LINGO1: variants seen among roughly 807,000 people sequenced by gnomAD.
LINGO1 encodes the protein leucine-rich repeat and immunoglobulin-like domain-containing nogo receptor-interacting protein 1.
In LINGO1, 11 loss-of-function variants were observed where a neutral mutation model predicts 37.3. The ratio of observed to expected loss-of-function variants is 0.29; its 90% CI spans 0.19 to 0.49. The LOEUF is 0.49. Among genes scored for constraint, LINGO1 ranks in the 20% least tolerant of loss-of-function variants. The pLI is 0.99. For missense variants in LINGO1, 585 were observed against 878.2 expected, an observed-to-expected ratio of 0.67 and a Z score of 4.22; for synonymous variants, 387 against 403.0, an observed-to-expected ratio of 0.96 and a Z score of 0.48.
intron 2 of LINGO1, among the ~76,000 whole-genome samples, chr15:77,708,286 C>G (rs1484413353): frequency 6.6e-6 from 1 of 152,180 alleles, no homozygotes; most frequent in East Asian, 1.9e-4. Flanking sequence ...AGAAAAGTTT[C>G]TGTGACACCA....
chr15:77,774,555 C>T (rs2076618187), intron 1 of LINGO1, among the ~76,000 whole-genome samples: 1 of 152,154 alleles, frequency 6.6e-6, no homozygotes, highest in Non-Finnish European at 1.5e-5. Context: ...AGTGCACACA[C>T]ACAATCCCGG....
At chr15:77,696,104 CTTCTATTAGGCTA>C (rs2075688801) in intron 1 of LINGO1, 1 of 152,140 alleles carries the variant, frequency 6.6e-6, no homozygotes, top group Non-Finnish European at 1.5e-5. Context: ...GATCTGTCGG[CTTCTATTAGGCTA>C]AATATCTCTG....
At chr15:77,775,734 C>T (rs941588761) in intron 1 of LINGO1, among the ~76,000 whole-genome samples, 1 of 151,716 alleles carries the variant, frequency 6.6e-6, no homozygotes, top group Non-Finnish European at 1.5e-5. Flanking sequence ...CTAGACCCGG[C>T]CCAACATGGC....
intron 1 of LINGO1, among the ~76,000 whole-genome samples, chr15:77,784,126 T>A (rs1280771542): frequency 1.3e-5 from 2 of 152,206 alleles, no homozygotes; most frequent in Non-Finnish European, 2.9e-5. Context: ...GGACCCTCCT[T>A]TGGGTGGTCT....
chr15:77,655,047 G>C (rs372042077), intron 3 of LINGO1, among the ~76,000 whole-genome samples: 9 of 152,310 alleles, frequency 5.9e-5, no homozygotes, highest in African/African-American at 2.2e-4. Context: ...AGCCCCTAGG[G>C]GAGGGAAAAA....
At chr15:77,622,600 G>A (rs2073957913) in intron 1 of LINGO1, among the ~76,000 whole-genome samples, 1 of 152,136 alleles carries the variant, frequency 6.6e-6, no homozygotes, top group East Asian at 1.9e-4. Flanking sequence ...CCTGCCTGAG[G>A]TCCCTTCTTT....
chr15:77,684,185 A>G (rs528591559), intron 2 of LINGO1, among the ~76,000 whole-genome samples: 52 of 152,246 alleles, frequency 3.4e-4, no homozygotes, highest in African/African-American at 1.2e-3. Flanking sequence ...CTTCTGTAAC[A>G]TGTAACAGTG....
chr15:77,622,296 G>C (rs1336999496), intron 1 of LINGO1, among the ~76,000 whole-genome samples: 2 of 152,052 alleles, frequency 1.3e-5, no homozygotes, highest in Non-Finnish European at 2.9e-5. Context: ...AAAGCAGAGT[G>C]GGGGGAGGGG....
At chr15:77,701,330 CTGAGGAGA>C (rs367978929), upstream of LINGO1, among the ~76,000 whole-genome samples, 1 of 152,118 alleles carries the variant, frequency 6.6e-6, no homozygotes, top group African/African-American at 2.4e-5. Context: ...GTCTGGCAGC[CTGAGGAGA>C]TGAGGAGAAA....
At chr15:77,640,607 TC>T (rs2074482192) in intron 3 of LINGO1, among the ~76,000 whole-genome samples, 1 of 152,086 alleles carries the variant, frequency 6.6e-6, no homozygotes, top group Non-Finnish European at 1.5e-5. Flanking sequence ...GGATGTACCC[TC>T]CCTCCATTCT....
intron 1 of LINGO1, among the ~76,000 whole-genome samples, chr15:77,691,725 G>A (rs1416231486): frequency 6.6e-6 from 1 of 151,198 alleles, no homozygotes; most frequent in Non-Finnish European, 1.5e-5. Flanking sequence ...CCACGACAGA[G>A]ATGACGGAGC....
chr15:77,706,169 CCTT>C (rs1200122871), intron 2 of LINGO1, among the ~76,000 whole-genome samples: 3 of 152,188 alleles, frequency 2.0e-5, no homozygotes, highest in African/African-American at 7.2e-5. Context: ...CCAAACCACT[CCTT>C]CTCCAGGGCT....
At chr15:77,711,652 T>C (rs2075919023) in intron 2 of LINGO1, among the ~76,000 whole-genome samples, 1 of 152,216 alleles carries the variant, frequency 6.6e-6, no homozygotes, top group Non-Finnish European at 1.5e-5. Context: ...GCATTAAAAC[T>C]CAATCCTCAC....
chr15:77,646,354 C>A (rs186467707), intron 3 of LINGO1: 89 of 416,928 alleles, frequency 2.1e-4, no homozygotes, highest in African/African-American at 1.7e-3. Flanking sequence ...GGACATGGCA[C>A]CCACATTGGC....
intron 1 of LINGO1, among the ~76,000 whole-genome samples, chr15:77,801,802 C>G (rs558367367): frequency 2.4e-4 from 36 of 152,114 alleles, no homozygotes; most frequent in Non-Finnish European, 4.6e-4. Context: ...CCCATGCCTA[C>G]GCTCCCCCAG....
At position 77,614,567 on chromosome 15, in the gene LINGO1, C is replaced by T. The variant is rs781204435; in HGVS notation, c.1340G>A (p.Arg447Gln). Residue 447 changes from arginine (R) to glutamine (Q), a missense_variant, in exon 2 of 2, where the codon CGG (arginine) becomes CAG (glutamine). Physicochemically the swap from Arg to Gln is conservative, Grantham distance 43. This residue lies in a region of LINGO1 where 484 missense variants were observed against 735.0 expected (regional missense o/e 0.66). Coordinates refer to ENST00000355300, the MANE Select transcript of LINGO1 (RefSeq NM_032808.7). Reference sequence around the variant, plus strand: ...GGCGGGCGGCGGGTCGCCATCGGCCCGGCACACAAACTGCACCGTGTGGCC... The same window carrying T: ...GGCGGGCGGCGGGTCGCCATCGGCCTGGCACACAAACTGCACCGTGTGGCC... ...DEGHTVQFVC[R>Q]ADGDPPPAIL... is the part of the protein sequence containing the mutation. The T allele has an allele frequency of 1.6e-5, 25 of 1,610,418 alleles. No homozygotes were observed. The East Asian group carries it at 2.0e-4, about 13-fold the overall frequency.
intron 1 of LINGO1, among the ~76,000 whole-genome samples, chr15:77,691,750 C>G (rs1367108693): frequency 2.6e-5 from 4 of 152,048 alleles, no homozygotes; most frequent in African/African-American, 9.7e-5. Flanking sequence ...CACGGCACCC[C>G]TGCCAAGAGA....
intron 1 of LINGO1, among the ~76,000 whole-genome samples, chr15:77,747,425 T>A (rs1319548111): frequency 6.6e-6 from 1 of 152,006 alleles, no homozygotes; most frequent in East Asian, 1.9e-4. Context: ...ACCTCCAGGG[T>A]TCCCCCAAGC....
upstream of LINGO1, among the ~76,000 whole-genome samples, chr15:77,633,951 T>G (rs2074341623): frequency 1.3e-5 from 2 of 152,204 alleles, no homozygotes; most frequent in Admixed American, 1.3e-4. Flanking sequence ...CAAGCCAGTT[T>G]TATTAGAATA....
Sources: allele counts gnomAD v4.1 joint callset (sites outside exome capture counted in the v4.1 genomes callset), GRCh38; gene constraint gnomAD v4.1.1; regional missense constraint gnomAD v4.1.1; transcripts MANE v1.5; gene names NCBI Gene and HGNC (gene_info 2026-07-23, HGNC 2026-07-21).